UBAP2L: variants seen among roughly 807,000 people sequenced by gnomAD.
UBAP2L encodes the protein ubiquitin associated protein 2 like, also known as ubiquitin-associated protein 2-like.
Under a neutral mutation model 130.6 loss-of-function variants are expected in UBAP2L, and 12 were observed. The ratio of observed to expected loss-of-function variants is 0.09; its 90% CI spans 0.06 to 0.15. The LOEUF is 0.15. UBAP2L is among the 10% of genes least tolerant of loss of function. UBAP2L has a pLI of 1.00. For synonymous variants in UBAP2L, 503 were observed against 524.7 expected, an observed-to-expected ratio of 0.96 and a Z score of 0.57; for missense variants, 965 against 1,332.5, an observed-to-expected ratio of 0.72 and a Z score of 4.29.
chr1:154,238,730 T>A (rs143356985), intron 8 of UBAP2L, among the ~76,000 whole-genome samples: 97 of 147,624 alleles, frequency 6.6e-4, no homozygotes, highest in African/African-American at 2.3e-3. Flanking sequence ...TGTCATTAAT[T>A]TTTTTTTTCT....
chr1:154,237,490 A>T (rs1471556887), intron 8 of UBAP2L, among the ~76,000 whole-genome samples: 1 of 152,168 alleles, frequency 6.6e-6, no homozygotes, highest in Non-Finnish European at 1.5e-5. Flanking sequence ...TGTCACTGCT[A>T]TTAGGTCCAA....
intron 20 of UBAP2L, 47 bp from the exon 21 acceptor site, chr1:154,258,930 A>G: frequency 6.5e-7 from 1 of 1,545,846 alleles, no homozygotes; most frequent in Non-Finnish European, 8.9e-7. Context: ...TTGTTTTGCT[A>G]ACATCATGAC....
At chr1:154,267,236 A>G (rs1038957059) in intron 25 of UBAP2L, among the ~76,000 whole-genome samples, 1 of 143,400 alleles carries the variant, frequency 7.0e-6, no homozygotes, top group African/African-American at 2.6e-5. Context: ...GCTCACTGCA[A>G]ACTCTGCCTC....
chr1:154,257,506 A>T (rs1680032034), intron 20 of UBAP2L, 72 bp downstream of exon 20: 4 of 1,548,324 alleles, frequency 2.6e-6, no homozygotes, highest in Non-Finnish European at 1.8e-6. Context: ...CTCTGGCTTC[A>T]GATGGACCCC....
At chr1:154,242,509 A>G (rs924963973) in intron 9 of UBAP2L, among the ~76,000 whole-genome samples, 1 of 152,234 alleles carries the variant, frequency 6.6e-6, no homozygotes, top group African/African-American at 2.4e-5. Context: ...CTTTCAGAGA[A>G]TGATAAATGG....
intron 23 of UBAP2L, 123 bp downstream of exon 23, chr1:154,261,232 C>A (rs1265057229): frequency 3.4e-6 from 4 of 1,172,562 alleles, no homozygotes; most frequent in Non-Finnish European, 4.7e-6. Context: ...CACCTCTGGC[C>A]TGTTTTTGGC....
intron 21 of UBAP2L, among the ~76,000 whole-genome samples, 190 bp downstream of exon 21, chr1:154,259,220 CTT>C (rs1426466333): frequency 5.9e-5 from 9 of 151,932 alleles, no homozygotes; most frequent in African/African-American, 2.2e-4. Context: ...GAGACAGAGT[CTT>C]TCTCTGTCGC....
At chr1:154,230,867 A>C (rs1185382441) in intron 4 of UBAP2L, among the ~76,000 whole-genome samples, 1 of 152,190 alleles carries the variant, frequency 6.6e-6, no homozygotes, top group African/African-American at 2.4e-5. Flanking sequence ...CTTTCTCCTG[A>C]CCCATCTTGT....
Position 154,254,911 on chromosome 1 carries a change from TC to T in UBAP2L, c.1909+25del, listed in dbSNP as rs754101001. The T allele has an allele frequency of 1.0e-5, 16 of 1,593,152 alleles. No individual in the cohort carries two copies. In the East Asian group the frequency reaches 3.1e-4, roughly 31 times the overall value. On this transcript the variant is annotated intron_variant, in intron 16 of 26. Transcript: ENST00000428931. ...TGAAGGTGAGTGTTCTTCAGGCTTT[TC>T]CCCTCCTAAGTTTCTGGTTTTCTAT... is the stretch of plus-strand genomic sequence containing the variant.
intron 18 of UBAP2L, among the ~76,000 whole-genome samples, chr1:154,256,141 A>C (rs1679567238): frequency 6.6e-6 from 1 of 152,224 alleles, no homozygotes; most frequent in Non-Finnish European, 1.5e-5. Flanking sequence ...TTTTTGTGAA[A>C]GTAGATGCCA....
At chr1:154,254,152 A>C in intron 15 of UBAP2L, 63 bp downstream of exon 15, 1 of 1,397,010 alleles carries the variant, frequency 7.2e-7, no homozygotes, top group Non-Finnish European at 9.5e-7. Flanking sequence ...TTCCTTAAAT[A>C]TTAGTGTTTT....
At chr1:154,266,605 T>G (rs1392104447) in intron 25 of UBAP2L, 37 bp downstream of exon 25, 3 of 1,600,146 alleles carry the variant, frequency 1.9e-6, no homozygotes, top group South Asian at 1.1e-5. Flanking sequence ...GGAAAAGAGA[T>G]AGACATAGAG....
Position 154,246,198 on chromosome 1 carries a change from C to T in UBAP2L, c.843-6C>T. On this transcript the variant is annotated splice_region_variant and splice_polypyrimidine_tract_variant and intron_variant, in intron 10 of 26. Coordinates refer to ENST00000428931, the MANE Select transcript of UBAP2L (RefSeq NM_014847.4). ...CTTCATGAAGATCCCTTCCCTTCCCCATTAGAATTGACCTTGCTGTTCTGC... is the reference window on the plus strand; with the variant it reads ...CTTCATGAAGATCCCTTCCCTTCCCTATTAGAATTGACCTTGCTGTTCTGC... 1.9e-6 allele frequency: 3 copies of T among 1,599,884 alleles called. No homozygotes were observed. Among genetic ancestry groups the T allele is most frequent in the Non-Finnish European group, 2.6e-6 (3 of 1,169,222 alleles).
Position 154,246,347 on chromosome 1 carries a change from C to T in UBAP2L, c.986C>T (p.Ser329Leu). The change falls in exon 11 of 27, where the codon TCA becomes TTA. Residue 329 changes from serine (S) to leucine (L), a missense_variant. Physicochemically the swap from Ser to Leu is moderately radical, Grantham distance 145 (BLOSUM62 -2). This residue lies in a region of UBAP2L where 99 missense variants were observed against 106.4 expected (regional missense o/e 0.93). Transcript: ENST00000428931. ...CAGACTGCCATATCACAGCCTGCTT[C>T]AGGGAACACATTTTCTCATCACAGT... Reference protein sequence around the residue: ...SKQTAISQPASGNTFSHHSMV... With the variant: ...SKQTAISQPALGNTFSHHSMV... 6.2e-7 allele frequency: 1 copy of T among 1,613,222 alleles called. No homozygotes were observed. Among genetic ancestry groups the T allele is most frequent in the Non-Finnish European group, 8.5e-7 (1 of 1,179,602 alleles).
chr1:154,258,557 A>G (rs1680450224), intron 20 of UBAP2L: 1 of 154,460 alleles, frequency 6.5e-6, no homozygotes, highest in Non-Finnish European at 1.4e-5. Context: ...ACACAGTTAC[A>G]CATTTTTAAT....
chr1:154,241,177 C>T (rs1169190379), intron 8 of UBAP2L, among the ~76,000 whole-genome samples: 5 of 152,114 alleles, frequency 3.3e-5, no homozygotes, highest in Admixed American at 6.5e-5. Flanking sequence ...CAACCTCCAC[C>T]TCCCAGGTTC....
chr1:154,225,655 G>T (rs1014979955), intron 2 of UBAP2L, among the ~76,000 whole-genome samples: 1 of 152,086 alleles, frequency 6.6e-6, no homozygotes, highest in Non-Finnish European at 1.5e-5. Flanking sequence ...TTCTTGTAGA[G>T]ATGGTAGTCT....
At chr1:154,226,847 G>A (rs1359674269) in intron 2 of UBAP2L, among the ~76,000 whole-genome samples, 1 of 151,712 alleles carries the variant, frequency 6.6e-6, no homozygotes, top group Non-Finnish European at 1.5e-5. Context: ...TTTTGAGGTG[G>A]AGTCTTGCTC....
chr1:154,267,158 T>TC, intron 25 of UBAP2L, among the ~76,000 whole-genome samples: 1 of 147,658 alleles, frequency 6.8e-6, no homozygotes, highest in Middle Eastern at 3.4e-3. Flanking sequence ...CGAGTTTTTT[T>TC]TTTTTTTTTT....
Sources: allele counts gnomAD v4.1 joint callset (sites outside exome capture counted in the v4.1 genomes callset), GRCh38; gene constraint gnomAD v4.1.1; regional missense constraint gnomAD v4.1.1; transcripts MANE v1.5; gene names NCBI Gene and HGNC (gene_info 2026-07-23, HGNC 2026-07-21).